DCC: variants seen among roughly 807,000 people sequenced by gnomAD.
DCC encodes the protein DCC netrin 1 receptor.
In DCC, 58 loss-of-function variants were observed where a neutral mutation model predicts 172.5. The observed-to-expected ratio is 0.34, with a 90% CI of 0.27 to 0.42. The LOEUF is 0.42. DCC is among the 10% of genes least tolerant of loss of function. The probability of loss-of-function intolerance (pLI) is 1.00; values close to 1 mark genes in which losing one functional copy is unlikely to be tolerated. For synonymous variants in DCC, 709 were observed against 644.5 expected (o/e 1.10, Z -1.52); for missense variants, 1,740 against 1,791.0 (o/e 0.97, Z 0.51).
intron 21 of DCC, among the ~76,000 whole-genome samples, chr18:53,434,607 A>G (rs978692920): frequency 2.0e-5 from 3 of 152,186 alleles, no homozygotes; most frequent in Admixed American, 2.0e-4. Context: ...GGTTTGTGAC[A>G]TAACCTCCAC....
At chr18:53,236,192 C>T (rs1042620020) in intron 12 of DCC, among the ~76,000 whole-genome samples, 2 of 152,072 alleles carry the variant, frequency 1.3e-5, no homozygotes, top group African/African-American at 4.8e-5. Flanking sequence ...GTATTCGCAA[C>T]AGAGGTATAT....
intron 5 of DCC, among the ~76,000 whole-genome samples, chr18:52,939,646 A>G (rs1008010927): frequency 3.9e-5 from 6 of 152,116 alleles, no homozygotes; most frequent in Admixed American, 6.6e-5. Context: ...CATAGTCTCA[A>G]TATATTATGG....
At chr18:52,366,719 C>A (rs577833658) in intron 1 of DCC, among the ~76,000 whole-genome samples, 1 of 151,740 alleles carries the variant, frequency 6.6e-6, no homozygotes, top group African/African-American at 2.4e-5. Context: ...TACAGAGTGT[C>A]GATTGGTGCA....
intron 9 of DCC, among the ~76,000 whole-genome samples, chr18:53,204,644 T>G (rs73960260): frequency 0.02 from 3,074 of 151,892 alleles, 117 homozygotes; most frequent in African/African-American, 0.071. Flanking sequence ...TAAGTAACAA[T>G]AATAAGAGAA....
At chr18:53,062,670 A>G (rs1200894391) in intron 5 of DCC, among the ~76,000 whole-genome samples, 1 of 152,172 alleles carries the variant, frequency 6.6e-6, no homozygotes, top group Non-Finnish European at 1.5e-5. Flanking sequence ...TAGTGTTACG[A>G]TAATTAAGAA....
intron 1 of DCC, among the ~76,000 whole-genome samples, chr18:52,371,105 G>A (rs1985102461): frequency 6.6e-6 from 1 of 152,066 alleles, no homozygotes; most frequent in African/African-American, 2.4e-5. Flanking sequence ...ATCTTGTTAG[G>A]GCACTGGAGA....
chr18:52,428,265 T>G (rs1305244656), intron 1 of DCC, among the ~76,000 whole-genome samples: 1 of 152,222 alleles, frequency 6.6e-6, no homozygotes, highest in African/African-American at 2.4e-5. Flanking sequence ...AGAATTATGT[T>G]TAATTCAAGC....
intron 23 of DCC, among the ~76,000 whole-genome samples, chr18:53,452,003 A>G (rs1362492054): frequency 2.0e-5 from 3 of 152,220 alleles, no homozygotes; most frequent in Non-Finnish European, 2.9e-5. Context: ...TGCCTAAGCA[A>G]GAAACCTGCT....
chr18:53,519,229 G>T (rs1031711218), intron 27 of DCC, among the ~76,000 whole-genome samples: 1 of 152,036 alleles, frequency 6.6e-6, no homozygotes. Flanking sequence ...AAAGAAATTA[G>T]ACTATCGAGC....
intron 15 of DCC, among the ~76,000 whole-genome samples, chr18:53,382,842 C>A (rs560347531): frequency 1.3e-5 from 2 of 152,134 alleles, no homozygotes; most frequent in Admixed American, 1.3e-4. Flanking sequence ...GCTCTTGAAT[C>A]CATGTGGTTT....
intron 23 of DCC, among the ~76,000 whole-genome samples, chr18:53,457,760 T>C (rs1287220838): frequency 3.3e-5 from 5 of 152,194 alleles, no homozygotes; most frequent in South Asian, 2.1e-4. Flanking sequence ...TTTCAGACCA[T>C]TGTTTTAAAA....
chr18:53,459,465 A>G lies in DCC; in HGVS notation c.3619+7A>G. 1.3e-6 allele frequency: 2 copies of G among 1,559,952 alleles called. No individual in the cohort carries two copies. Among genetic ancestry groups the G allele is most frequent in the South Asian group, 1.1e-5 (1 of 89,964 alleles). On this transcript the variant is annotated splice_region_variant and intron_variant, in intron 24 of 28. Transcript: ENST00000442544. ...AAAAGCACCTCTCATTCAGGTAATT[A>G]TCTTTTCACTGGCATTAGGGAAAAC...
In DCC at chr18:53,140,107, T is replaced by A. The variant is rs546652223; in HGVS notation, c.1262-17249T>A. Among the ~76,000 whole-genome samples, 3 of 152,332 alleles carry A rather than the reference T, an allele frequency of 2.0e-5. No homozygotes were observed. In the South Asian group the frequency reaches 6.2e-4, roughly 32 times the overall value. On this transcript the variant is annotated intron_variant, in intron 7 of 28. Coordinates refer to ENST00000442544, the MANE Select transcript of DCC (RefSeq NM_005215.4). The stretch of plus-strand genomic sequence containing the variant: ...GATATGTACCTTGTTTTAAGGGAGC[T>A]TTTAGTTTAAGAAGACAAACCATAA...
chr18:52,594,415 G>T (rs536994473), intron 1 of DCC, among the ~76,000 whole-genome samples: 1 of 152,232 alleles, frequency 6.6e-6, no homozygotes, highest in South Asian at 2.1e-4. Context: ...TCCCCTTCAT[G>T]TCTGGGTGTA....
chr18:53,147,659 T>A (rs1466535177), intron 7 of DCC, among the ~76,000 whole-genome samples: 2 of 152,308 alleles, frequency 1.3e-5, no homozygotes, highest in Non-Finnish European at 2.9e-5. Context: ...TGGTGCCACC[T>A]CACACACCTG....
chr18:52,472,421 G>T (rs1175838242), intron 1 of DCC, among the ~76,000 whole-genome samples: 1 of 152,100 alleles, frequency 6.6e-6, no homozygotes, highest in Non-Finnish European at 1.5e-5. Flanking sequence ...ATCTGATGGA[G>T]GAATATGCAG....
intron 1 of DCC, among the ~76,000 whole-genome samples, chr18:52,366,899 G>A (rs567092012): frequency 6.6e-6 from 1 of 152,236 alleles, no homozygotes; most frequent in Non-Finnish European, 1.5e-5. Flanking sequence ...CGTGCCGTGC[G>A]CTCGCACTCC....
intron 21 of DCC, among the ~76,000 whole-genome samples, chr18:53,428,350 T>TAATA (rs1555670538): frequency 1.9e-5 from 1 of 52,616 alleles, no homozygotes; most frequent in Non-Finnish European, 3.8e-5. Context: ...TATAATATAA[T>TAATA]ATATGTTGTA....
intron 1 of DCC, among the ~76,000 whole-genome samples, chr18:52,619,769 G>T (rs940186136): frequency 6.6e-6 from 1 of 152,028 alleles, no homozygotes; most frequent in Admixed American, 6.6e-5. Flanking sequence ...CTAGAATAAA[G>T]AATCCACGTC....
Sources: gnomAD v4.1 joint callset for allele counts (sites outside exome capture counted in the v4.1 genomes callset) on GRCh38, gnomAD v4.1.1 for gene constraint, MANE v1.5 for transcripts, NCBI Gene and HGNC (gene_info 2026-07-23, HGNC 2026-07-21) for gene names.